Variants in ROBO1 observed in about 807,000 individuals in gnomAD.
The protein encoded by ROBO1 is roundabout guidance receptor 1.
In ROBO1, 149 loss-of-function variants were observed where a neutral mutation model predicts 195.9. That is an observed-to-expected ratio of 0.76 (90% CI 0.67 to 0.87). ROBO1 has a LOEUF of 0.87. ROBO1 is among the 40% of genes least tolerant of loss of function. The probability of loss-of-function intolerance (pLI) is 0.00; values close to 1 mark genes in which losing one functional copy is unlikely to be tolerated. For missense variants in ROBO1, 1,933 were observed against 2,068.3 expected, an observed-to-expected ratio of 0.93 and a Z score of 1.27; for synonymous variants, 816 against 733.2, an observed-to-expected ratio of 1.11 and a Z score of -1.82.
At chr3:79,655,094 A>G (rs536947663) in intron 1 of ROBO1, among the ~76,000 whole-genome samples, 28 of 152,156 alleles carry the variant, frequency 1.8e-4, no homozygotes, top group East Asian at 9.7e-4. Context: ...TTTCCTACAT[A>G]ATTAGTTCCC....
intron 2 of ROBO1, among the ~76,000 whole-genome samples, chr3:79,235,840 T>G (rs1403909436): frequency 6.6e-6 from 1 of 152,166 alleles, no homozygotes; most frequent in Admixed American, 6.5e-5. Flanking sequence ...AAAGATTTTT[T>G]GCAGTTATCT....
chr3:78,607,054 AT>A lies in ROBO1; in HGVS notation c.4436-14del. ...GGTGGTGGAAGATCTAAAAAGAAAC[AT>A]TAAAAATACTACTGTAAAAGTCTGC... On this transcript the variant is annotated splice_polypyrimidine_tract_variant and intron_variant, in intron 28 of 30. Coordinates refer to ENST00000464233, the MANE Select transcript of ROBO1 (RefSeq NM_002941.4). 7.5e-6 allele frequency: 12 copies of A among 1,601,276 alleles called. No individual in the cohort carries two copies. Among genetic ancestry groups the A allele is most frequent in the Non-Finnish European group, 1.0e-5 (12 of 1,172,368 alleles).
rs1301002631 is a variant in ROBO1, at chr3:79,125,522, T to C, written c.106A>G (p.Arg36Gly). Residue 36 changes from arginine to glycine, a missense_variant, in exon 3 of 31, where the codon AGG (arginine) becomes GGG (glycine). Physicochemically the swap from Arg to Gly is moderately radical, Grantham distance 125. Coordinates refer to ENST00000464233, the MANE Select transcript of ROBO1 (RefSeq NM_002941.4). ...QLIPDPEDVE[R>G]GNDHGTPIPT... ...ATTGGCGTCCCGTGGTCGTTCCCCC[T>C]CTCTACATCTTCAGGGTCTGTCGGA... The C allele has an allele frequency of 6.2e-7, 1 of 1,613,450 alleles. No individual in the cohort carries two copies. Among genetic ancestry groups the C allele is most frequent in the East Asian group, 2.2e-5 (1 of 44,846 alleles).
chr3:78,875,761 C>A (rs2107196533), intron 4 of ROBO1, among the ~76,000 whole-genome samples: 1 of 152,084 alleles, frequency 6.6e-6, no homozygotes, highest in Admixed American at 6.6e-5. Context: ...ATCTGTCCCA[C>A]CTGGAGATTA....
intron 2 of ROBO1, among the ~76,000 whole-genome samples, chr3:79,171,431 A>T (rs1324930345): frequency 6.7e-6 from 1 of 148,722 alleles, no homozygotes; most frequent in African/African-American, 2.5e-5. Flanking sequence ...AAAAAAAAAA[A>T]GCCATAACAA....
intron 8 of ROBO1, among the ~76,000 whole-genome samples, chr3:78,700,860 T>A (rs2107935486): frequency 6.6e-6 from 1 of 151,070 alleles, no homozygotes. Flanking sequence ...ACCTCCCGGG[T>A]TCAAGTGATT....
At position 79,547,741 on chromosome 3, in the gene ROBO1, GA is replaced by G. The variant is rs1294102218; in HGVS notation, c.88+42082del. On this transcript the variant is annotated intron_variant, in intron 2 of 30. Transcript: ENST00000464233. Reference sequence around the variant, plus strand: ...AACCTTATAAACATTAACATTTCTAGAAAAATTCTTGTTAGGATTGTGGGAA... The same window carrying G: ...AACCTTATAAACATTAACATTTCTAGAAAATTCTTGTTAGGATTGTGGGAA... Among the ~76,000 whole-genome samples, 6 of 152,168 alleles carry G rather than the reference GA, an allele frequency of 3.9e-5. No homozygotes were observed. The East Asian group carries it at 1.2e-3, about 29-fold the overall frequency.
intron 1 of ROBO1, among the ~76,000 whole-genome samples, chr3:79,669,293 G>A (rs996821093): frequency 1.3e-5 from 2 of 151,686 alleles, no homozygotes; most frequent in Admixed American, 6.6e-5. Flanking sequence ...GCCTTATGCC[G>A]TGATTGTGAG....
intron 27 of ROBO1, among the ~76,000 whole-genome samples, chr3:78,616,369 G>A (rs537858239): frequency 2.0e-5 from 3 of 151,944 alleles, no homozygotes; most frequent in African/African-American, 4.8e-5. Flanking sequence ...AGCTACTAGA[G>A]GAATAAAAAA....
At chr3:79,325,975 G>A (rs2034192482) in intron 2 of ROBO1, among the ~76,000 whole-genome samples, 1 of 152,088 alleles carries the variant, frequency 6.6e-6, no homozygotes, top group Admixed American at 6.6e-5. Flanking sequence ...TATGCGCCTG[G>A]GGGTGGGTCT....
intron 2 of ROBO1, among the ~76,000 whole-genome samples, chr3:79,465,077 T>G (rs1937884171): frequency 6.6e-6 from 1 of 152,220 alleles, no homozygotes; most frequent in Non-Finnish European, 1.5e-5. Flanking sequence ...GTATTCTTAA[T>G]AACAGATACA....
intron 4 of ROBO1, among the ~76,000 whole-genome samples, chr3:78,884,761 A>C (rs1225213966): frequency 2.0e-5 from 3 of 151,546 alleles, no homozygotes; most frequent in Non-Finnish European, 4.4e-5. Context: ...GAAAGAAAGA[A>C]AGAAAATTTA....
At chr3:79,430,017 T>G (rs2038611001) in intron 2 of ROBO1, among the ~76,000 whole-genome samples, 1 of 152,018 alleles carries the variant, frequency 6.6e-6, no homozygotes, top group South Asian at 2.1e-4. Flanking sequence ...TTTAACTTTT[T>G]TATTGTATTT....
At chr3:79,601,331 A>C (rs1276648372) in intron 1 of ROBO1, among the ~76,000 whole-genome samples, 1 of 152,026 alleles carries the variant, frequency 6.6e-6, no homozygotes, top group Non-Finnish European at 1.5e-5. Context: ...GAAGCTAAAA[A>C]AATCAAATGA....
chr3:78,837,085 G>A (rs981617406), intron 4 of ROBO1, among the ~76,000 whole-genome samples: 5 of 151,976 alleles, frequency 3.3e-5, no homozygotes, highest in African/African-American at 4.8e-5. Flanking sequence ...TCATAATTAC[G>A]GATGAATTGA....
At chr3:78,773,462 A>G (rs2083427591) in intron 4 of ROBO1, among the ~76,000 whole-genome samples, 1 of 152,164 alleles carries the variant, frequency 6.6e-6, no homozygotes, top group Non-Finnish European at 1.5e-5. Flanking sequence ...ACTCATTTGT[A>G]TTTTAAAATG....
intron 4 of ROBO1, among the ~76,000 whole-genome samples, chr3:78,844,989 T>C (rs2033554389): frequency 6.6e-6 from 1 of 152,108 alleles, no homozygotes; most frequent in South Asian, 2.1e-4. Context: ...AAGATCACTC[T>C]GATATCAACT....
At chr3:78,960,789 C>A (rs922658755) in intron 3 of ROBO1, among the ~76,000 whole-genome samples, 1 of 109,706 alleles carries the variant, frequency 9.1e-6, no homozygotes, top group African/African-American at 3.3e-5. Context: ...AACACACACA[C>A]ACACACACAC....
intron 1 of ROBO1, among the ~76,000 whole-genome samples, chr3:79,711,563 T>C (rs1576267350): frequency 1.3e-5 from 2 of 152,250 alleles, no homozygotes; most frequent in African/African-American, 2.4e-5. Context: ...CATCTAATCA[T>C]ATATTGATAA....
Sources: allele counts gnomAD v4.1 joint callset (sites outside exome capture counted in the v4.1 genomes callset), GRCh38; gene constraint gnomAD v4.1.1; transcripts MANE v1.5; gene names NCBI Gene and HGNC (gene_info 2026-07-23, HGNC 2026-07-21).